Variants in CCDC7 observed in about 807,000 individuals in gnomAD.
CCDC7 encodes the protein coiled-coil domain containing 7, also known as coiled-coil domain-containing protein 7.
Under a neutral mutation model 196.9 loss-of-function variants are expected in CCDC7, and 183 were observed. The ratio of observed to expected loss-of-function variants is 0.93; its 90% CI spans 0.82 to 1.05. The LOEUF (loss-of-function observed/expected upper bound fraction) is 1.05. CCDC7 is among the 50% of genes least tolerant of loss of function. The pLI, the probability that CCDC7 is intolerant of heterozygous loss-of-function variation, is 0.00. For missense variants in CCDC7, 1,540 were observed against 1,482.2 expected, an observed-to-expected ratio of 1.04 and a Z score of -0.64; for synonymous variants, 525 against 484.6, an observed-to-expected ratio of 1.08 and a Z score of -1.10.
chr10:32,803,159 A>C (rs972086324), intron 29 of CCDC7, among the ~76,000 whole-genome samples: 2 of 152,224 alleles, frequency 1.3e-5, no homozygotes, highest in African/African-American at 4.8e-5. Context: ...AATGAGAAGC[A>C]TGTGTATTCT....
chr10:32,446,945 TCCTCCCTCCCTCCCTCCCTC>T (rs71027089), upstream of CCDC7, among the ~76,000 whole-genome samples: 1 of 90,140 alleles, frequency 1.1e-5, no homozygotes, highest in Non-Finnish European at 2.5e-5. Context: ...CCTCTTCCCT[TCCTCCCTCCCTCCCTCCCTC>T]CCTCCCTCCC....
chr10:32,880,928 G>T (rs1593810974), downstream of CCDC7, among the ~76,000 whole-genome samples: 1 of 152,110 alleles, frequency 6.6e-6, no homozygotes, highest in Non-Finnish European at 1.5e-5. Flanking sequence ...AACTGTTTTG[G>T]TTAAGGCTAC....
intron 20 of CCDC7, among the ~76,000 whole-genome samples, chr10:32,659,222 A>G (rs112721177): frequency 6.6e-6 from 1 of 152,030 alleles, no homozygotes; most frequent in Non-Finnish European, 1.5e-5. Flanking sequence ...ATGTTTTGTT[A>G]TGTTGTGTTT....
chr10:32,602,227 G>C (rs1174196007), intron 18 of CCDC7, among the ~76,000 whole-genome samples: 1 of 151,896 alleles, frequency 6.6e-6, no homozygotes, highest in Non-Finnish European at 1.5e-5. Context: ...GCGAAGGTCT[G>C]CGGCTTCACT....
chr10:32,796,326 G>A (rs189911341), intron 29 of CCDC7, among the ~76,000 whole-genome samples: 16 of 152,172 alleles, frequency 1.1e-4, no homozygotes, highest in Admixed American at 1.0e-3. Flanking sequence ...AAAATCAGAA[G>A]CTTTCAATAC....
intron 32 of CCDC7, among the ~76,000 whole-genome samples, chr10:32,828,347 G>C (rs2091453520): frequency 6.6e-6 from 1 of 151,258 alleles, no homozygotes; most frequent in African/African-American, 2.4e-5. Flanking sequence ...CTGGGCCATG[G>C]TCATTCATAT....
chr10:32,756,298 A>G (rs923169625), intron 28 of CCDC7, among the ~76,000 whole-genome samples: 1 of 152,226 alleles, frequency 6.6e-6, no homozygotes, highest in African/African-American at 2.4e-5. Context: ...TCCAAGACAC[A>G]TAATTGACAG....
chr10:32,847,382 T>G (rs2093344607), intron 37 of CCDC7, among the ~76,000 whole-genome samples: 1 of 152,198 alleles, frequency 6.6e-6, no homozygotes, highest in African/African-American at 2.4e-5. Context: ...AATAACTGTT[T>G]GTGAGAGTTC....
intron 8 of CCDC7, among the ~76,000 whole-genome samples, chr10:32,476,355 GTGTT>G (rs1423950750): frequency 1.1e-4 from 5 of 43,602 alleles, no homozygotes; most frequent in African/African-American, 2.5e-4. Context: ...AAGTTCCTCT[GTGTT>G]TCAATAGTTT....
At chr10:32,768,807 T>C (rs2078716742) in intron 28 of CCDC7, among the ~76,000 whole-genome samples, 1 of 152,180 alleles carries the variant, frequency 6.6e-6, no homozygotes, top group South Asian at 2.1e-4. Flanking sequence ...TCTTTTTGTG[T>C]TGAATAACAT....
chr10:32,630,312 A>G (rs977459224), intron 18 of CCDC7, among the ~76,000 whole-genome samples: 2 of 151,178 alleles, frequency 1.3e-5, no homozygotes, highest in Non-Finnish European at 3.0e-5. Context: ...TATGGGTACC[A>G]TATATATGTG....
At chr10:32,815,618 A>G (rs1156235525) in intron 31 of CCDC7, among the ~76,000 whole-genome samples, 8 of 152,248 alleles carry the variant, frequency 5.3e-5, no homozygotes, top group Non-Finnish European at 1.5e-5. Flanking sequence ...AAAAATATTT[A>G]CTAGGTAATA....
chr10:32,543,130 A>T (rs759544980), intron 11 of CCDC7, among the ~76,000 whole-genome samples, 170 bp from the exon 13 acceptor site: 31 of 152,224 alleles, frequency 2.0e-4, no homozygotes, highest in Non-Finnish European at 4.4e-4. Context: ...GCACTATTAC[A>T]AACAGACCAG....
chr10:32,816,062 G>A (rs367885220), intron 31 of CCDC7, among the ~76,000 whole-genome samples: 1 of 151,684 alleles, frequency 6.6e-6, no homozygotes, highest in South Asian at 2.1e-4. Context: ...GGAAGTGCAA[G>A]GGATCAGGGA....
chr10:32,806,045 C>G (rs2085770931), intron 30 of CCDC7, among the ~76,000 whole-genome samples: 1 of 152,152 alleles, frequency 6.6e-6, no homozygotes, highest in South Asian at 2.1e-4. Flanking sequence ...AACTCATATA[C>G]TATTGTGAGA....
intron 24 of CCDC7, among the ~76,000 whole-genome samples, chr10:32,708,053 G>A (rs1025433500): frequency 1.1e-4 from 17 of 151,974 alleles, no homozygotes; most frequent in Admixed American, 7.2e-4. Context: ...GAGGCATCAC[G>A]CTACCTGACT....
intron 25 of CCDC7, among the ~76,000 whole-genome samples, chr10:32,726,159 A>ACT (rs2142273643): frequency 6.6e-6 from 1 of 152,130 alleles, no homozygotes; most frequent in Admixed American, 6.6e-5. Context: ...AAGTTACCGT[A>ACT]CTAGATATCC....
chr10:32,783,629 T>A (rs2081375653), intron 29 of CCDC7, among the ~76,000 whole-genome samples: 1 of 152,236 alleles, frequency 6.6e-6, no homozygotes, highest in African/African-American at 2.4e-5. Context: ...GGAGTTCTCA[T>A]ATGATCTATT....
chr10:32,456,290 CA>C lies in CCDC7; in HGVS notation c.414del (p.Gln138HisfsTer6). On this transcript the variant is annotated frameshift_variant, in exon 3 of 42. Transcript: ENST00000639629. LOFTEE classifies it high-confidence loss of function. ...GAATTCATTCTTGACATATTGTTCG[CA>C]ATTTGCAGCTCAGCTAGAAGAAGCA... The C allele has an allele frequency of 6.4e-7, 1 of 1,569,270 alleles. No individual in the cohort carries two copies.
Sources: gnomAD v4.1 joint callset for allele counts (sites outside exome capture counted in the v4.1 genomes callset) on GRCh38, gnomAD v4.1.1 for gene constraint, MANE v1.5 for transcripts, NCBI Gene and HGNC (gene_info 2026-07-23, HGNC 2026-07-21) for gene names.